The following RBP7 variants were observed in gnomAD, a reference collection of about 807,000 sequenced individuals.
RBP7 encodes retinol binding protein 7, also known as retinoid-binding protein 7.
In RBP7, 13 loss-of-function variants were observed where a neutral mutation model predicts 16.7. That is an observed-to-expected ratio of 0.78 (90% confidence interval 0.51 to 1.24). RBP7 has a LOEUF of 1.24. Ranked by LOEUF, RBP7 falls within the 50% of genes most tolerant of loss-of-function variation. RBP7 has a pLI of 0.00. For synonymous variants in RBP7, 54 were observed against 56.2 expected, an observed-to-expected ratio of 0.96 and a Z score of 0.17; for missense variants, 145 against 159.5, an observed-to-expected ratio of 0.91 and a Z score of 0.49.
chr1:10,002,694 C>T (rs567790266), intron 1 of RBP7, among the ~76,000 whole-genome samples: 3 of 151,422 alleles, frequency 2.0e-5, no homozygotes, highest in South Asian at 2.1e-4. Flanking sequence ...GGTAGAGATG[C>T]GGTTTCACCA....
intron 1 of RBP7, among the ~76,000 whole-genome samples, chr1:10,003,289 G>A (rs776982599): frequency 9.9e-5 from 15 of 152,162 alleles, no homozygotes. Flanking sequence ...AGCTGGGCGT[G>A]GTGGTGGGCA....
In RBP7 at chr1:10,015,792, G is replaced by C; in HGVS notation, c.365G>C (p.Cys122Ser). 1 of 1,614,076 alleles carries C rather than the reference G, an allele frequency of 6.2e-7. No homozygotes were observed. Among genetic ancestry groups the C allele is most frequent in the Non-Finnish European group, 8.5e-7 (1 of 1,179,966 alleles). Residue 122 changes from cysteine to serine, a missense_variant, in exon 4 of 4, where the codon TGT becomes TCT. Physicochemically the swap from Cys to Ser is moderately radical, Grantham distance 112 (BLOSUM62 -1). Transcript: ENST00000294435. ...CTCCTTACGCCCTAGGAAATGTTCT[G>C]TGAAGGTCAAGTGTGCAAACAGACA... is the stretch of plus-strand genomic sequence containing the variant. ...EGDKLHLEMF[C>S]EGQVCKQTFQ...
At chr1:10,010,994 G>A (rs1642600403) in intron 3 of RBP7, among the ~76,000 whole-genome samples, 3 of 152,170 alleles carry the variant, frequency 2.0e-5, no homozygotes, top group Admixed American at 2.0e-4. Flanking sequence ...CTCCCAAAGT[G>A]CTGGGATTAC....
At chr1:10,004,936 TGAGCC>T (rs1423385193) in intron 1 of RBP7, among the ~76,000 whole-genome samples, 1 of 152,100 alleles carries the variant, frequency 6.6e-6, no homozygotes, top group African/African-American at 2.4e-5. Context: ...AAGGCTGCAG[TGAGCC>T]GAGATTGCAC....
At chr1:10,013,805 C>A (rs1031058847) in intron 3 of RBP7, among the ~76,000 whole-genome samples, 4 of 151,602 alleles carry the variant, frequency 2.6e-5, no homozygotes, top group African/African-American at 9.7e-5. Context: ...AGCAAGACTC[C>A]GTCGCAAAAA....
intron 1 of RBP7, among the ~76,000 whole-genome samples, chr1:10,003,677 C>T (rs1174917174): frequency 6.6e-6 from 1 of 152,232 alleles, no homozygotes; most frequent in African/African-American, 2.4e-5. Flanking sequence ...AGGCTAATCC[C>T]CGCTCTGGGG....
At chr1:10,015,731 C>A in intron 3 of RBP7, 51 bp from the exon 4 acceptor site, 1 of 1,500,646 alleles carries the variant, frequency 6.7e-7, no homozygotes, top group Non-Finnish European at 9.3e-7. Context: ...AGAGTAAAAA[C>A]AGACCACATG....
chr1:10,012,211 CAAAAAA>C (rs35228920), intron 3 of RBP7, among the ~76,000 whole-genome samples: 3 of 50,752 alleles, frequency 5.9e-5, no homozygotes, highest in Non-Finnish European at 1.1e-4. Flanking sequence ...AACTCCATCT[CAAAAAA>C]AAAAAAAAAA....
At chr1:10,012,295 C>T (rs1473686193) in intron 3 of RBP7, among the ~76,000 whole-genome samples, 6 of 150,296 alleles carry the variant, frequency 4.0e-5, no homozygotes, top group African/African-American at 9.8e-5. Context: ...GCATGAGAAT[C>T]GCTTGAACCC....
At chr1:10,014,360 G>GTTTCT (rs556466196) in intron 3 of RBP7, among the ~76,000 whole-genome samples, 115 of 151,520 alleles carry the variant, frequency 7.6e-4, no homozygotes, top group South Asian at 4.4e-3. Flanking sequence ...CCATCAGGCT[G>GTTTCT]TTTCTTTTCT....
chr1:10,009,426 G>C (rs1006784958), intron 3 of RBP7, among the ~76,000 whole-genome samples: 1 of 151,798 alleles, frequency 6.6e-6, no homozygotes, highest in Non-Finnish European at 1.5e-5. Context: ...ACAAAATAAG[G>C]GTTTATTCAG....
chr1:10,007,570 G>C lies in RBP7; in HGVS notation c.74G>C (p.Gly25Ala), dbSNP rs759611587. 1 of 1,590,908 alleles carries C rather than the reference G, an allele frequency of 6.3e-7. No homozygotes were observed. Among genetic ancestry groups the C allele is most frequent in the South Asian group, 1.1e-5 (1 of 87,398 alleles). ...AATATTTTTAAAAATTATTTTTAAG[G>C]TATTGACTTTGCCACTCGTAAAATA... Reference protein sequence around the residue: ...DNFEGYMLALGIDFATRKIAK... With the variant: ...DNFEGYMLALAIDFATRKIAK... The change falls in exon 2 of 4, where the codon GGT (glycine) becomes GCT (alanine). Residue 25 changes from glycine to alanine, a missense_variant and splice_region_variant. Coordinates refer to ENST00000294435, the MANE Select transcript of RBP7 (RefSeq NM_052960.3).
chr1:9,999,727 A>G (rs780506669), intron 1 of RBP7, among the ~76,000 whole-genome samples: 42 of 152,046 alleles, frequency 2.8e-4, no homozygotes, highest in Non-Finnish European at 4.7e-4. Flanking sequence ...TTAAAGTACT[A>G]AGTACTTACA....
chr1:10,005,587 G>A (rs373941404), intron 1 of RBP7, among the ~76,000 whole-genome samples: 7 of 147,998 alleles, frequency 4.7e-5, no homozygotes, highest in East Asian at 4.0e-4. Context: ...TTTTTGAGAC[G>A]GAGTCTTGCT....
chr1:10,003,675 C>T (rs1056342020), intron 1 of RBP7, among the ~76,000 whole-genome samples: 3 of 152,222 alleles, frequency 2.0e-5, no homozygotes, highest in African/African-American at 7.2e-5. Context: ...GCAGGCTAAT[C>T]CCCGCTCTGG....
At chr1:10,010,053 G>C (rs553636682) in intron 3 of RBP7, among the ~76,000 whole-genome samples, 1 of 152,104 alleles carries the variant, frequency 6.6e-6, no homozygotes, top group Non-Finnish European at 1.5e-5. Flanking sequence ...TTTCAGACAA[G>C]TCAATCACTC....
intron 1 of RBP7, among the ~76,000 whole-genome samples, chr1:10,005,798 G>T (rs1277133222): frequency 6.6e-6 from 1 of 151,970 alleles, no homozygotes; most frequent in African/African-American, 2.4e-5. Flanking sequence ...CCTGACCTCA[G>T]GTGATCCACC....
chr1:10,010,654 G>A (rs920747686), intron 3 of RBP7, among the ~76,000 whole-genome samples: 4 of 148,960 alleles, frequency 2.7e-5, no homozygotes, highest in African/African-American at 7.4e-5. Context: ...GTGCGATCTC[G>A]GCTCACCACA....
In RBP7 at chr1:10,006,751, G is replaced by GTATA. The variant is rs763226271; in HGVS notation, c.74-808_74-805dup. Among the ~76,000 whole-genome samples the GTATA allele has an allele frequency of 9.3e-3, 1,291 of 138,414 alleles. 26 individuals are homozygous for GTATA. Among genetic ancestry groups the GTATA allele is most frequent in the African/African-American group, 0.033 (1,160 of 34,800 alleles). 90.8% of individuals were successfully genotyped at this position (138,414 alleles called of 152,430 possible). On this transcript the variant is annotated intron_variant, in intron 1 of 3. Coordinates refer to ENST00000294435, the MANE Select transcript of RBP7 (RefSeq NM_052960.3). Reference sequence around the variant, plus strand: ...CGTGTGTGTGTGTGTGTGTGTGTGTGTATATATATATATAGAGAGAGAGAG... The same window carrying GTATA: ...CGTGTGTGTGTGTGTGTGTGTGTGTGTATATATATATATATATAGAGAGAGAGAG...
Sources: allele counts gnomAD v4.1 joint callset (sites outside exome capture counted in the v4.1 genomes callset), GRCh38; gene constraint gnomAD v4.1.1; transcripts MANE v1.5; gene names NCBI Gene and HGNC (gene_info 2026-07-23, HGNC 2026-07-21).